PBX4: variants seen among roughly 807,000 people sequenced by gnomAD.
PBX4 encodes the protein PBX homeobox 4, also known as pre-B-cell leukemia transcription factor 4.
PBX4 carries 26 observed loss-of-function variants against 35.1 expected under a neutral mutation model. That is an observed-to-expected ratio of 0.74 (90% confidence interval 0.54 to 1.03). The LOEUF (loss-of-function observed/expected upper bound fraction) is 1.03. Ranked by LOEUF, PBX4 falls within the 50% of genes least tolerant of loss-of-function variation. PBX4 has a pLI of 0.00. For synonymous variants in PBX4, 199 were observed against 204.2 expected (o/e 0.97, Z 0.22); for missense variants, 448 against 504.3 (o/e 0.89, Z 1.07).
chr19:19,564,190 T>G (rs1338459350), intron 6 of PBX4, among the ~76,000 whole-genome samples: 1 of 137,564 alleles, frequency 7.3e-6, no homozygotes, highest in Non-Finnish European at 1.5e-5. Context: ...CCCCTTCCTG[T>G]GTCCATGTGT....
intron 2 of PBX4, among the ~76,000 whole-genome samples, chr19:19,595,442 G>C (rs1433136016): frequency 2.0e-5 from 3 of 152,138 alleles, no homozygotes; most frequent in Admixed American, 6.5e-5. Flanking sequence ...TGCTGCCAGG[G>C]AGTTGAGGGC....
chr19:19,618,326 G>C (rs755469624), intron 1 of PBX4, among the ~76,000 whole-genome samples, 185 bp downstream of exon 1: 20 of 152,082 alleles, frequency 1.3e-4, no homozygotes, highest in Non-Finnish European at 2.2e-4. Flanking sequence ...TCACGCCACT[G>C]CTCGGCCCCA....
chr19:19,565,410 G>A (rs559170716), intron 5 of PBX4, among the ~76,000 whole-genome samples: 4 of 152,300 alleles, frequency 2.6e-5, no homozygotes, highest in African/African-American at 7.2e-5. Flanking sequence ...GAGGGACAGC[G>A]CCTCTGGCTG....
intron 2 of PBX4, among the ~76,000 whole-genome samples, chr19:19,575,097 C>T (rs1452237765): frequency 6.6e-6 from 1 of 151,896 alleles, no homozygotes; most frequent in Non-Finnish European, 1.5e-5. Context: ...ATTAGCCAGG[C>T]GTGGTGGCGG....
intron 1 of PBX4, among the ~76,000 whole-genome samples, chr19:19,616,769 C>A (rs761959921): frequency 6.6e-6 from 1 of 150,868 alleles, no homozygotes; most frequent in East Asian, 2.0e-4. Flanking sequence ...CTGCAGCCTC[C>A]GCCTCCCAGG....
At chr19:19,577,929 G>A (rs1651682535) in intron 2 of PBX4, among the ~76,000 whole-genome samples, 1 of 148,712 alleles carries the variant, frequency 6.7e-6, no homozygotes, top group African/African-American at 2.5e-5. Context: ...TATAATTCCA[G>A]CACTTTGGGA....
intron 2 of PBX4, among the ~76,000 whole-genome samples, chr19:19,576,513 T>C (rs533772239): frequency 7.9e-5 from 12 of 151,830 alleles, no homozygotes; most frequent in Non-Finnish European, 1.6e-4. Flanking sequence ...TGTGAGCCAC[T>C]GTGCCTGGCC....
chr19:19,598,216 G>T (rs1164034646), intron 2 of PBX4, among the ~76,000 whole-genome samples: 4 of 151,616 alleles, frequency 2.6e-5, no homozygotes, highest in African/African-American at 9.7e-5. Flanking sequence ...CTCTGAAGGT[G>T]TTGACGAGAC....
At chr19:19,616,096 C>T (rs916306072) in intron 1 of PBX4, among the ~76,000 whole-genome samples, 2 of 152,054 alleles carry the variant, frequency 1.3e-5, no homozygotes, top group Non-Finnish European at 2.9e-5. Context: ...TTCAACAAGG[C>T]CTCATCCTCC....
chr19:19,613,153 A>G (rs895680880), intron 1 of PBX4, among the ~76,000 whole-genome samples: 11 of 151,596 alleles, frequency 7.3e-5, no homozygotes, highest in Admixed American at 6.6e-4. Context: ...AAAAAGAGCT[A>G]TCTTTGAAAA....
chr19:19,569,404 C>A, intron 5 of PBX4, 45 bp downstream of exon 5: 2 of 1,576,404 alleles, frequency 1.3e-6, no homozygotes, highest in Non-Finnish European at 1.7e-6. Flanking sequence ...ACCTAGTCAT[C>A]CACTCCTCCC....
At position 19,562,181 on chromosome 19, in the gene PBX4, G is replaced by A. The variant is rs1328334887; in HGVS notation, c.1033-64C>T. 6 of 1,300,908 alleles carry A rather than the reference G, an allele frequency of 4.6e-6. No individual in the cohort carries two copies. Among genetic ancestry groups the A allele is most frequent in the Non-Finnish European group, 6.4e-6 (6 of 932,908 alleles). 80.6% of individuals were successfully genotyped at this position (1,300,908 alleles called of 1,614,324 possible). ...TGAGACTGGTGACTACCCAGCCCAC[G>A]TGCTGCAGGCGGAGCCTCCAGGGGT... On this transcript the variant is annotated intron_variant, in intron 7 of 7. Coordinates refer to ENST00000251203, the MANE Select transcript of PBX4 (RefSeq NM_025245.3). This position sits in a 1 kb window ranked among gnomAD's most constrained non-coding sequence, Gnocchi z 4.8.
chr19:19,595,091 G>T (rs546847377), intron 2 of PBX4, among the ~76,000 whole-genome samples: 1 of 152,134 alleles, frequency 6.6e-6, no homozygotes. Flanking sequence ...CTAAACATCC[G>T]CTGTGGGCAG....
chr19:19,580,249 G>A (rs2061445944), intron 2 of PBX4, among the ~76,000 whole-genome samples: 1 of 152,202 alleles, frequency 6.6e-6, no homozygotes, highest in African/African-American at 2.4e-5. Context: ...AGAAAACATG[G>A]GGACTTCCTG....
At chr19:19,587,870 G>A (rs1034642366) in intron 2 of PBX4, among the ~76,000 whole-genome samples, 1 of 151,906 alleles carries the variant, frequency 6.6e-6, no homozygotes, top group Admixed American at 6.6e-5. Flanking sequence ...GTTTTTCTCC[G>A]ATACAGTGTC....
chr19:19,609,657 TG>T (rs1215050509), intron 1 of PBX4, among the ~76,000 whole-genome samples: 2 of 150,684 alleles, frequency 1.3e-5, no homozygotes, highest in Non-Finnish European at 2.9e-5. Context: ...GAGACCATCC[TG>T]GCTCACACGG....
At chr19:19,601,660 G>A (rs1251190908) in intron 1 of PBX4, among the ~76,000 whole-genome samples, 2 of 152,084 alleles carry the variant, frequency 1.3e-5, no homozygotes, top group African/African-American at 4.8e-5. Context: ...TCCCAGATGT[G>A]GGCAGAGAAA....
intron 2 of PBX4, among the ~76,000 whole-genome samples, chr19:19,598,859 C>T (rs2061576714): frequency 2.0e-5 from 3 of 150,678 alleles, no homozygotes; most frequent in Non-Finnish European, 4.4e-5. Flanking sequence ...CACATAAGGG[C>T]TGAGACAAGA....
chr19:19,570,541 A>C, intron 3 of PBX4, 45 bp downstream of exon 3: 3 of 1,602,678 alleles, frequency 1.9e-6, no homozygotes, highest in Non-Finnish European at 2.6e-6. Context: ...CGCTTTGACA[A>C]ATGCGCATTC....
Sources: allele counts gnomAD v4.1 joint callset (sites outside exome capture counted in the v4.1 genomes callset), GRCh38; gene constraint gnomAD v4.1.1; non-coding constraint Gnocchi (gnomAD v3.1); transcripts MANE v1.5; gene names NCBI Gene and HGNC (gene_info 2026-07-23, HGNC 2026-07-21).